The following OTUD7A variants were observed in gnomAD, a reference collection of about 807,000 sequenced individuals.
The protein encoded by OTUD7A is OTU deubiquitinase 7A.
In OTUD7A, 12 loss-of-function variants were observed where a neutral mutation model predicts 65.7. That is an observed-to-expected ratio of 0.18 (90% CI 0.12 to 0.30). The LOEUF is 0.30. Ranked by LOEUF, OTUD7A falls within the 10% of genes least tolerant of loss-of-function variation. The pLI, the probability that OTUD7A is intolerant of heterozygous loss-of-function variation, is 1.00. For synonymous variants in OTUD7A, 641 were observed against 586.3 expected (o/e 1.09, Z -1.35); for missense variants, 1,148 against 1,304.8 (o/e 0.88, Z 1.85).
At chr15:31,620,217 T>A (rs1480753956) in intron 3 of OTUD7A, among the ~76,000 whole-genome samples, 1 of 151,454 alleles carries the variant, frequency 6.6e-6, no homozygotes, top group Non-Finnish European at 1.5e-5. Context: ...GGGATATTAG[T>A]CTAAAATTCT....
At chr15:31,838,189 T>C (rs1045368774) in intron 1 of OTUD7A, among the ~76,000 whole-genome samples, 1 of 152,242 alleles carries the variant, frequency 6.6e-6, no homozygotes. Context: ...TAGGAGAATA[T>C]GTTTTGTACC....
At chr15:31,782,086 C>T (rs1803097674) in intron 1 of OTUD7A, among the ~76,000 whole-genome samples, 1 of 152,224 alleles carries the variant, frequency 6.6e-6, no homozygotes, top group Admixed American at 6.5e-5. Context: ...GGTAGGTGCT[C>T]TGTAGGGGTG....
intron 3 of OTUD7A, among the ~76,000 whole-genome samples, chr15:31,613,479 T>C (rs920487090): frequency 2.0e-5 from 3 of 151,752 alleles, no homozygotes; most frequent in Admixed American, 2.0e-4. Flanking sequence ...CGTCAAAAAG[T>C]GGGCTAAGGA....
intron 1 of OTUD7A, among the ~76,000 whole-genome samples, chr15:31,756,425 A>G (rs1894812750): frequency 6.6e-6 from 1 of 152,198 alleles, no homozygotes; most frequent in Non-Finnish European, 1.5e-5. Flanking sequence ...TCTATAAGAC[A>G]GTCTTGCCAC....
At chr15:31,619,477 G>A (rs1403644133) in intron 3 of OTUD7A, among the ~76,000 whole-genome samples, 1 of 152,068 alleles carries the variant, frequency 6.6e-6, no homozygotes, top group African/African-American at 2.4e-5. Context: ...TCCCTGAAGA[G>A]GTCCTTCACA....
At chr15:31,660,425 C>T (rs533774264) in intron 1 of OTUD7A, among the ~76,000 whole-genome samples, 4 of 152,306 alleles carry the variant, frequency 2.6e-5, no homozygotes, top group East Asian at 3.9e-4. Context: ...AGCATCTTCA[C>T]GGTTTAGATG....
At chr15:31,865,115 T>C (rs1897845099) in intron 1 of OTUD7A, among the ~76,000 whole-genome samples, 1 of 152,212 alleles carries the variant, frequency 6.6e-6, no homozygotes, top group Non-Finnish European at 1.5e-5. Flanking sequence ...TACTGTTCAG[T>C]GATGATTCTT....
intron 10 of OTUD7A, among the ~76,000 whole-genome samples, chr15:31,501,058 A>G (rs2041458747): frequency 6.6e-6 from 1 of 152,290 alleles, no homozygotes; most frequent in Admixed American, 6.5e-5. Context: ...CAACATCAGC[A>G]GCACTGAAAT....
At position 31,482,084 on chromosome 15, in the gene OTUD7A, TG is replaced by T. The variant is rs2041129533; in HGVS notation, c.*1209del. ...TTGGAAGGAAGAGGCTGCATATTGC[TG>T]CTCAAAACAGGGTAGCTAAGGACAC... On this transcript the variant is annotated 3_prime_UTR_variant, in exon 13 of 13. Coordinates refer to ENST00000307050, the MANE Select transcript of OTUD7A (RefSeq NM_001382637.1). 6.6e-6 allele frequency: 1 copy of T among 152,260 alleles called. No homozygotes were observed. Among genetic ancestry groups the T allele is most frequent in the Admixed American group, 6.5e-5 (1 of 15,294 alleles). The allele number at this position is 152,260 out of a possible 1,614,324, so 9.4% of individuals were successfully genotyped here. A position where few individuals can be genotyped will look rare whatever the true frequency, so the allele number is the denominator to read the frequency against.
intron 1 of OTUD7A, among the ~76,000 whole-genome samples, chr15:31,671,701 G>T (rs1173707823): frequency 2.0e-5 from 3 of 151,842 alleles, no homozygotes; most frequent in Non-Finnish European, 2.9e-5. Flanking sequence ...TGTGCTTTTT[G>T]ATTTGGTTTT....
At chr15:31,698,222 G>T (rs1893128592) in intron 1 of OTUD7A, among the ~76,000 whole-genome samples, 1 of 152,246 alleles carries the variant, frequency 6.6e-6, no homozygotes, top group African/African-American at 2.4e-5. Flanking sequence ...TCACATCAAA[G>T]CTAAGCAGCT....
chr15:31,689,526 G>A (rs1448476865), intron 1 of OTUD7A: 3 of 149,680 alleles, frequency 2.0e-5, no homozygotes, highest in African/African-American at 7.3e-5. Context: ...ACACTTCATG[G>A]GAAGTGAGAA....
intron 1 of OTUD7A, among the ~76,000 whole-genome samples, chr15:31,782,741 G>A (rs1895573984): frequency 6.8e-6 from 1 of 147,286 alleles, no homozygotes; most frequent in African/African-American, 2.7e-5. Flanking sequence ...CAGAGAGAGA[G>A]TAAGGTGTCA....
At chr15:31,607,782 A>G (rs1049339182) in intron 3 of OTUD7A, among the ~76,000 whole-genome samples, 1 of 152,230 alleles carries the variant, frequency 6.6e-6, no homozygotes, top group Non-Finnish European at 1.5e-5. Context: ...ACAGTAGGCT[A>G]TACCATATAG....
Position 31,487,073 on chromosome 15 carries a change from G to T in OTUD7A, c.1371+121C>A. On this transcript the variant is annotated intron_variant, in intron 12 of 12. Coordinates refer to ENST00000307050, the MANE Select transcript of OTUD7A (RefSeq NM_001382637.1). The surrounding 1 kb of genome is among the most constrained non-coding windows in gnomAD (Gnocchi z 6.0). ...ACTGGGCTGTGGGTATGGCTGGGGT[G>T]GGCGGCCGGGCAGGGGCAGGCAAGA... 2 of 934,958 alleles carry T rather than the reference G, an allele frequency of 2.1e-6. No homozygotes were observed. The highest frequency in any genetic ancestry group is 3.2e-6 in the Non-Finnish European group (2 of 616,734). The allele number at this position is 934,958 out of a possible 1,614,324, so 57.9% of individuals were successfully genotyped here.
At position 31,483,445 on chromosome 15, in the gene OTUD7A, T is replaced by C; in HGVS notation, c.2651A>G (p.Glu884Gly). ...CGGCCCCGGGCCGCCACGGCCGCAC[T>C]CACCGTTCGAGCGCGCGGTCGGCGC... The part of the protein sequence containing the change: ...ADAPTARSNG[E>G]CGRGGPGPVQ... The change falls in exon 13 of 13, where the codon GAG (glutamate) becomes GGG (glycine). Residue 884 changes from glutamate (E) to glycine (G), a missense_variant. Transcript: ENST00000307050. 1.4e-6 allele frequency: 2 copies of C among 1,381,408 alleles called. No homozygotes were observed. The highest frequency in any genetic ancestry group is 1.9e-6 in the Non-Finnish European group (2 of 1,068,022). 85.6% of individuals were successfully genotyped at this position (1,381,408 alleles called of 1,614,324 possible).
intron 5 of OTUD7A, among the ~76,000 whole-genome samples, chr15:31,549,135 C>CAAA (rs568463366): frequency 1.2e-4 from 8 of 65,028 alleles, no homozygotes; most frequent in Non-Finnish European, 2.2e-4. Context: ...GGCCTTGTCT[C>CAAA]AAAAAAAAAA....
chr15:31,673,079 C>T (rs1892520580), intron 1 of OTUD7A, among the ~76,000 whole-genome samples: 1 of 152,302 alleles, frequency 6.6e-6, no homozygotes, highest in East Asian at 1.9e-4. Flanking sequence ...CACCAATAAA[C>T]TTACCTTAAG....
intron 8 of OTUD7A, among the ~76,000 whole-genome samples, chr15:31,516,153 T>C (rs1438903839): frequency 1.3e-5 from 2 of 152,234 alleles, no homozygotes; most frequent in African/African-American, 4.8e-5. Flanking sequence ...TGAGTAGCTA[T>C]GCAAGAGGGC....
Sources: allele counts gnomAD v4.1 joint callset (sites outside exome capture counted in the v4.1 genomes callset), GRCh38; gene constraint gnomAD v4.1.1; non-coding constraint Gnocchi (gnomAD v3.1); transcripts MANE v1.5; gene names NCBI Gene and HGNC (gene_info 2026-07-23, HGNC 2026-07-21).